CCZ1B: variants seen among roughly 807,000 people sequenced by gnomAD.
The protein encoded by CCZ1B is vacuolar fusion protein CCZ1 homolog B.
A neutral mutation model predicts 58.8 loss-of-function variants in CCZ1B; 25 were observed. The observed-to-expected ratio is 0.43, with a 90% CI of 0.31 to 0.59. The LOEUF (loss-of-function observed/expected upper bound fraction) is 0.59, where lower values mean the gene tolerates loss of function less well. CCZ1B is among the 20% of genes least tolerant of loss of function. CCZ1B has a pLI of 0.12. For missense variants in CCZ1B, 180 were observed against 501.5 expected (o/e 0.36, Z 6.12); for synonymous variants, 66 against 173.2 (o/e 0.38, Z 4.86).
At chr7:6,817,501 C>T (rs542350545) in intron 7 of CCZ1B, among the ~76,000 whole-genome samples, 10 of 149,916 alleles carry the variant, frequency 6.7e-5, no homozygotes, top group Middle Eastern at 3.4e-3. Context: ...ATCTCCCTAT[C>T]GCCGTGGCTG....
chr7:6,808,539 C>G (rs1487615564), intron 10 of CCZ1B, among the ~76,000 whole-genome samples: 1 of 150,678 alleles, frequency 6.6e-6, no homozygotes, highest in African/African-American at 2.5e-5. Context: ...AACCTGTATT[C>G]TTCCACTGTA....
At chr7:6,821,606 G>A (rs1458979001) in intron 6 of CCZ1B, among the ~76,000 whole-genome samples, 1 of 151,336 alleles carries the variant, frequency 6.6e-6, no homozygotes, top group Non-Finnish European at 1.5e-5. Flanking sequence ...AGATAAACTA[G>A]GCTAGGCGAG....
At position 6,822,298 on chromosome 7, in the gene CCZ1B, C is replaced by G. The variant is rs1783124661; in HGVS notation, c.505G>C (p.Glu169Gln). The part of the protein sequence containing the change: ...GGVKLLKERL[E>Q]KFFHRYLQTL... ...ATACTTACCCGATGGAAGAATTTCT[C>G]TAATCTTTCTTTCAGAAGCTTGACG... is the stretch of plus-strand genomic sequence containing the variant. Residue 169 changes from glutamate to glutamine, a missense_variant, in exon 6 of 15, where the codon GAG becomes CAG. By Grantham distance (29) the Glu-to-Gln change is conservative (BLOSUM62 2). Transcript: ENST00000316731. The G allele has an allele frequency of 6.3e-7, 1 of 1,587,290 alleles. No homozygotes were observed. Among genetic ancestry groups the G allele is most frequent in the Non-Finnish European group, 8.5e-7 (1 of 1,172,708 alleles).
At chr7:6,817,389 G>A (rs1247486276) in intron 7 of CCZ1B, among the ~76,000 whole-genome samples, 3 of 150,880 alleles carry the variant, frequency 2.0e-5, no homozygotes, top group African/African-American at 4.9e-5. Context: ...CCATGGCGGG[G>A]CTTGTGTTCT....
rs1192983684 is a variant in CCZ1B, at chr7:6,818,690, AAAGACAAGAAAGAAAGAAAGAC to A, written c.698+1054_698+1075del. Among the ~76,000 whole-genome samples, 2 of 66,062 alleles carry A rather than the reference AAAGACAAGAAAGAAAGAAAGAC, an allele frequency of 3.0e-5. 1 individual carries two copies. The highest frequency in any genetic ancestry group is 1.3e-4 in the African/African-American group (2 of 15,900). 43.3% of individuals were successfully genotyped at this position (66,062 alleles called of 152,430 possible). On this transcript the variant is annotated intron_variant, in intron 7 of 14. Transcript: ENST00000316731. ...GACAGAAAGAAAGAAAGAAAGAAAG[AAAGACAAGAAAGAAAGAAAGAC>A]AAGAAAGAAAGAAAGAAAGAAAGAA...
At position 6,819,897 on chromosome 7, in the gene CCZ1B, A is replaced by T. The variant is rs1443464267; in HGVS notation, c.567T>A (p.Ile189=). ...ACGGGAAGAAGCTGATTCCACCAAA[A>T]ATGTCAAGTAGGTCACATGACTGCA... ...LHLQSCDLLD[I]FGGISFFPLD... Residue 189 remains isoleucine (I), a synonymous_variant, in exon 7 of 15, where the codon ATT becomes ATA. Coordinates refer to ENST00000316731, the MANE Select transcript of CCZ1B (RefSeq NM_198097.5). 1 of 1,603,602 alleles carries T rather than the reference A, an allele frequency of 6.2e-7. No individual in the cohort carries two copies. Among genetic ancestry groups the T allele is most frequent in the African/African-American group, 1.4e-5 (1 of 71,508 alleles).
intron 12 of CCZ1B, among the ~76,000 whole-genome samples, chr7:6,804,104 C>A (rs543688181): frequency 1.3e-3 from 192 of 151,158 alleles, no homozygotes; most frequent in Non-Finnish European, 2.1e-3. Context: ...CTCACTTTCA[C>A]TTTATAATAA....
At chr7:6,822,985 T>A (rs1583558021) in intron 5 of CCZ1B, among the ~76,000 whole-genome samples, 1 of 146,800 alleles carries the variant, frequency 6.8e-6, no homozygotes, top group African/African-American at 2.6e-5. Flanking sequence ...AAATTACAGG[T>A]GTGATCCACT....
At chr7:6,810,092 A>G (rs1441679776) in intron 10 of CCZ1B, among the ~76,000 whole-genome samples, 1 of 150,208 alleles carries the variant, frequency 6.7e-6, no homozygotes, top group East Asian at 1.9e-4. Context: ...GCTCACTGCA[A>G]CCTCCGCCTC....
rs757327995 is a variant in CCZ1B, at chr7:6,811,991, T to C, written c.915A>G (p.Thr305=). 11 of 1,578,642 alleles carry C rather than the reference T, an allele frequency of 7.0e-6. No homozygotes were observed. The highest frequency in any genetic ancestry group is 9.5e-6 in the Non-Finnish European group (11 of 1,156,420). ...AATGGAGCTCTTCATAAGTGTCATC[T>C]GTATTTACAAAAATTTTGGGGAATC... is the stretch of plus-strand genomic sequence containing the variant. The part of the protein sequence containing the change: ...KCRFPKIFVN[T]DDTYEELHLI... Residue 305 remains threonine, a synonymous_variant, in exon 10 of 15, where the codon ACA becomes ACG. Transcript: ENST00000316731.
intron 5 of CCZ1B, among the ~76,000 whole-genome samples, chr7:6,822,706 CTTT>C (rs58112556): frequency 1.7e-5 from 2 of 120,324 alleles, no homozygotes; most frequent in Non-Finnish European, 1.7e-5. Flanking sequence ...ACTTTTTATC[CTTT>C]TTTTTTTTTT....
rs762225979 is a variant in CCZ1B at position 6,819,811 on chromosome 7, T to C, written c.653A>G (p.Asn218Ser). The C allele has an allele frequency of 1.3e-6, 2 of 1,564,474 alleles. No homozygotes were observed. Among genetic ancestry groups the C allele is most frequent in the Admixed American group, 3.5e-5 (2 of 57,744 alleles). Residue 218 changes from asparagine to serine, a missense_variant, in exon 7 of 15, where the codon AAT (asparagine) becomes AGT (serine). Coordinates refer to ENST00000316731, the MANE Select transcript of CCZ1B (RefSeq NM_198097.5). The stretch of plus-strand genomic sequence containing the variant: ...GAGAAAAGCAGTGTATTTGACTATA[T>C]TCAGGCTTTCCTCCATTCTATTAAT... Reference protein sequence around the residue: ...SFINRMEESLNIVKYTAFLYN... With the variant: ...SFINRMEESLSIVKYTAFLYN...
At chr7:6,814,498 A>G in intron 8 of CCZ1B, 1 of 344,796 alleles carries the variant, frequency 2.9e-6, no homozygotes, top group East Asian at 4.1e-5. Flanking sequence ...TCCGTCTCAA[A>G]AACCAAACAA....
rs1160489097 is a variant in CCZ1B, at chr7:6,822,720, T to C, written c.439-356A>G. 7.2e-5 allele frequency among the ~76,000 whole-genome samples: 8 copies of C among 110,616 alleles called. 1 individual carries two copies. The highest frequency in any genetic ancestry group is 2.4e-4 in the African/African-American group (7 of 29,174). 72.6% of individuals were successfully genotyped at this position (110,616 alleles called of 152,430 possible). On this transcript the variant is annotated intron_variant, in intron 5 of 14. Transcript: ENST00000316731. Reference sequence around the variant, plus strand: ...AACTTTTTATCCTTTTTTTTTTTTTTTGAGATGGAATCTCGCTGTTGCCCA... The same window carrying C: ...AACTTTTTATCCTTTTTTTTTTTTTCTGAGATGGAATCTCGCTGTTGCCCA...
Position 6,823,515 on chromosome 7 carries a change from C to CTTTTTTTT in CCZ1B, c.391-163_391-156dup, listed in dbSNP as rs897480782. Among the ~76,000 whole-genome samples, 70 of 104,866 alleles carry CTTTTTTTT rather than the reference C, an allele frequency of 6.7e-4. 2 individuals are homozygous for CTTTTTTTT. Among genetic ancestry groups the CTTTTTTTT allele is most frequent in the African/African-American group, 1.5e-3 (37 of 24,456 alleles). The allele number at this position is 104,866 out of a possible 152,430, so 68.8% of individuals were successfully genotyped here. ...CGTGCTGAAAAAAAGTGTTTGCGTT[C>CTTTTTTTT]TTTTTTTTTTTTTTTTTTTTTGAGA... On this transcript the variant is annotated intron_variant, in intron 4 of 14. Coordinates refer to ENST00000316731, the MANE Select transcript of CCZ1B (RefSeq NM_198097.5).
chr7:6,813,859 T>A (rs1213999521), intron 8 of CCZ1B, among the ~76,000 whole-genome samples: 1 of 149,288 alleles, frequency 6.7e-6, no homozygotes, highest in Non-Finnish European at 1.5e-5. Context: ...AAATCCAATT[T>A]TTTTGGCCAG....
chr7:6,818,686 AAAGAAAGAC>A (rs1217099085), intron 7 of CCZ1B, among the ~76,000 whole-genome samples: 5 of 81,870 alleles, frequency 6.1e-5, no homozygotes, highest in South Asian at 4.6e-4. Context: ...AGAAAGAAAG[AAAGAAAGAC>A]AAGAAAGAAA....
In CCZ1B at chr7:6,825,251, C is replaced by A. The variant is rs896156479; in HGVS notation, c.121-514G>T. On this transcript the variant is annotated intron_variant, in intron 1 of 14. Coordinates refer to ENST00000316731, the MANE Select transcript of CCZ1B (RefSeq NM_198097.5). ...TGAACTGACAAGTTGTTTTTTTTTT[C>A]TTTTTCTGGAGATGGGGTCTGTGCT... Among the ~76,000 whole-genome samples the A allele has an allele frequency of 1.5e-4, 21 of 142,470 alleles. 1 individual carries two copies. Among genetic ancestry groups the A allele is most frequent in the African/African-American group, 5.5e-4 (20 of 36,076 alleles). The allele number at this position is 142,470 out of a possible 152,430, so 93.5% of individuals were successfully genotyped here.
At chr7:6,809,279 A>C (rs1413201306) in intron 10 of CCZ1B, among the ~76,000 whole-genome samples, 1 of 110,116 alleles carries the variant, frequency 9.1e-6, no homozygotes, top group Non-Finnish European at 1.8e-5. Context: ...TTGGAGACTC[A>C]TGAACTTTGC....
Sources: allele counts gnomAD v4.1 joint callset (sites outside exome capture counted in the v4.1 genomes callset), GRCh38; gene constraint gnomAD v4.1.1; transcripts MANE v1.5; gene names NCBI Gene and HGNC (gene_info 2026-07-23, HGNC 2026-07-21).